The following DUSP14 variants were observed in gnomAD, a reference collection of about 807,000 sequenced individuals.
DUSP14 encodes dual specificity phosphatase 14, also known as dual specificity protein phosphatase 14.
Under a neutral mutation model 13.2 loss-of-function variants are expected in DUSP14, and 5 were observed. That is an observed-to-expected ratio of 0.38 (90% CI 0.20 to 0.80). The LOEUF is 0.80. DUSP14 is among the 30% of genes least tolerant of loss of function. The pLI, the probability that DUSP14 is intolerant of heterozygous loss-of-function variation, is 0.44. For missense variants in DUSP14, 185 were observed against 264.0 expected (o/e 0.70, Z 2.07); for synonymous variants, 91 against 103.4 (o/e 0.88, Z 0.73).
At position 37,512,360 on chromosome 17, in the gene DUSP14, A is replaced by G. The variant is rs1327664784; in HGVS notation, c.88A>G (p.Ile30Val). The G allele has an allele frequency of 1.2e-6, 2 of 1,613,860 alleles. No individual in the cohort carries two copies. Among genetic ancestry groups the G allele is most frequent in the African/African-American group, 1.3e-5 (1 of 74,870 alleles). Reference protein sequence around the residue: ...SEGDIGGIAQITSSLFLGRGS... With the variant: ...SEGDIGGIAQVTSSLFLGRGS... ...GGGAGACATAGGAGGCATTGCTCAA[A>G]TCACCTCCTCTCTATTCCTGGGCAG... The change falls in exon 3 of 3, where the codon ATC becomes GTC. Residue 30 changes from isoleucine (I) to valine (V), a missense_variant. Ile to Val is a conservative substitution (Grantham distance 29). Transcript: ENST00000617516. The surrounding 1 kb of genome is among the most constrained non-coding windows in gnomAD (Gnocchi z 4.8).
intron 1 of DUSP14, among the ~76,000 whole-genome samples, chr17:37,495,788 T>C (rs1188292579): frequency 6.6e-6 from 1 of 151,950 alleles, no homozygotes; most frequent in Non-Finnish European, 1.5e-5. Flanking sequence ...GCCTCCCGAG[T>C]AGCTGGGATT....
chr17:37,499,854 T>C (rs1651685273), intron 1 of DUSP14, among the ~76,000 whole-genome samples: 1 of 152,228 alleles, frequency 6.6e-6, no homozygotes, highest in Non-Finnish European at 1.5e-5. Context: ...TAATTAGTAA[T>C]GTAGTCTTCT....
At chr17:37,499,755 C>T (rs1273654610) in intron 1 of DUSP14, among the ~76,000 whole-genome samples, 1 of 152,116 alleles carries the variant, frequency 6.6e-6, no homozygotes, top group African/African-American at 2.4e-5. Context: ...GTCTCAAACT[C>T]CTGACCTCAG....
intron 1 of DUSP14, among the ~76,000 whole-genome samples, chr17:37,496,605 T>C (rs1466234495): frequency 6.6e-6 from 1 of 152,100 alleles, no homozygotes; most frequent in African/African-American, 2.4e-5. Flanking sequence ...AATACAAAAA[T>C]TAGCCGGGAG....
intron 1 of DUSP14, among the ~76,000 whole-genome samples, chr17:37,493,607 A>C (rs1291497078): frequency 4.0e-5 from 6 of 151,726 alleles, no homozygotes; most frequent in Non-Finnish European, 5.9e-5. Flanking sequence ...TAACCACCCA[A>C]ATACCAGAAA....
chr17:37,512,469 T>C lies in DUSP14; in HGVS notation c.197T>C (p.Phe66Ser), dbSNP rs778673385. 3.7e-6 allele frequency: 6 copies of C among 1,614,176 alleles called. No individual in the cohort carries two copies. Among genetic ancestry groups the C allele is most frequent in the Non-Finnish European group, 2.5e-6 (3 of 1,180,046 alleles). ...AATGCTACCATTGAGATCCCTAATT[T>C]CAACTGGCCCCAATTTGAGTATGTT... ...IVNATIEIPN[F>S]NWPQFEYVKV... Residue 66 changes from phenylalanine (F) to serine (S), a missense_variant, in exon 3 of 3, where the codon TTC becomes TCC. Phe to Ser is a radical substitution (Grantham distance 155). Transcript: ENST00000617516. The surrounding 1 kb of genome is among the most constrained non-coding windows in gnomAD (Gnocchi z 4.8).
intron 1 of DUSP14, among the ~76,000 whole-genome samples, chr17:37,508,734 A>AAT (rs35158443): frequency 0.26 from 38,092 of 143,848 alleles, 5,101 homozygotes; most frequent in Admixed American, 0.4. Context: ...ACTCCATCTC[A>AAT]ATATATATAT....
intron 1 of DUSP14, among the ~76,000 whole-genome samples, chr17:37,497,305 G>A (rs918263019): frequency 2.0e-5 from 3 of 152,156 alleles, no homozygotes; most frequent in African/African-American, 4.8e-5. Context: ...ACCATGCCCA[G>A]CTAATTTTTG....
intron 1 of DUSP14, 35 bp from the exon 2 acceptor site, chr17:37,510,642 A>T (rs1230807082): frequency 6.6e-6 from 1 of 152,162 alleles, no homozygotes; most frequent in Admixed American, 6.5e-5. Context: ...GAACTTCCTG[A>T]TTGGCTGTGT....
chr17:37,508,057 G>A (rs2054149374), intron 1 of DUSP14, among the ~76,000 whole-genome samples: 1 of 152,240 alleles, frequency 6.6e-6, no homozygotes, highest in Non-Finnish European at 1.5e-5. Context: ...GATTTCACCT[G>A]TGGACTGCTC....
At position 37,511,585 on chromosome 17, in the gene DUSP14, C is replaced by CTTTTTTTTTTTTTTT. The variant is rs533256343; in HGVS notation, c.-92-592_-92-578dup. On this transcript the variant is annotated intron_variant, in intron 2 of 2. Coordinates refer to ENST00000617516, the MANE Select transcript of DUSP14 (RefSeq NM_007026.4). Reference sequence around the variant, plus strand: ...CATGAGCTACCTCACCTGGCCTTTCCTTTTTTTTTTTTTTTTTTAGAAGCT... The same window carrying CTTTTTTTTTTTTTTT: ...CATGAGCTACCTCACCTGGCCTTTCCTTTTTTTTTTTTTTTTTTTTTTTTTTTTTTTTTAGAAGCT... 6.0e-3 allele frequency among the ~76,000 whole-genome samples: 522 copies of CTTTTTTTTTTTTTTT among 87,276 alleles called. 86 individuals are homozygous for CTTTTTTTTTTTTTTT. Among genetic ancestry groups the CTTTTTTTTTTTTTTT allele is most frequent in the African/African-American group, 0.025 (472 of 19,054 alleles). The allele number at this position is 87,276 out of a possible 152,430, so 57.3% of individuals were successfully genotyped here.
chr17:37,503,167 G>A (rs990327851), intron 1 of DUSP14, among the ~76,000 whole-genome samples: 4 of 151,826 alleles, frequency 2.6e-5, no homozygotes, highest in African/African-American at 4.8e-5. Context: ...GCTTATGCCT[G>A]TAATCCCAGC....
chr17:37,497,922 T>C (rs1025289777), intron 1 of DUSP14, among the ~76,000 whole-genome samples: 2 of 151,928 alleles, frequency 1.3e-5, no homozygotes, highest in Non-Finnish European at 2.9e-5. Context: ...GGCGCACCCC[T>C]GTAGCCCCAG....
chr17:37,508,852 C>T (rs2143113177), intron 1 of DUSP14, among the ~76,000 whole-genome samples: 2 of 148,012 alleles, frequency 1.4e-5, no homozygotes, highest in South Asian at 4.3e-4. Context: ...GCCCTTCACT[C>T]CTGGGTATTG....
At chr17:37,505,310 G>A (rs2054131006) in intron 1 of DUSP14, among the ~76,000 whole-genome samples, 1 of 152,208 alleles carries the variant, frequency 6.6e-6, no homozygotes, top group Admixed American at 6.5e-5. Flanking sequence ...CAAGGCTATA[G>A]TGACCTAAGA....
chr17:37,511,937 A>ATTTTTTTTTTTTTTTTTTT (rs1329764853), intron 2 of DUSP14, among the ~76,000 whole-genome samples: 2 of 16,434 alleles, frequency 1.2e-4, no homozygotes, highest in South Asian at 3.0e-3. Flanking sequence ...CCCCCACCCC[A>ATTTTTTTTTTTTTTTTTTT]CTTTTTTTTT....
chr17:37,491,441 C>T (rs1048000922), intron 1 of DUSP14: 16 of 152,148 alleles, frequency 1.1e-4, no homozygotes, highest in African/African-American at 3.6e-4. Flanking sequence ...ACACATGGGC[C>T]CTATTCCTGC....
intron 1 of DUSP14, among the ~76,000 whole-genome samples, chr17:37,501,229 G>A (rs1469360255): frequency 2.6e-5 from 4 of 152,152 alleles, no homozygotes; most frequent in African/African-American, 9.7e-5. Flanking sequence ...AGGTCAGATG[G>A]GGCAGAATGA....
chr17:37,508,826 C>T (rs1031989348), intron 1 of DUSP14, among the ~76,000 whole-genome samples: 1 of 146,440 alleles, frequency 6.8e-6, no homozygotes, highest in East Asian at 2.0e-4. Flanking sequence ...GTTAAACATA[C>T]GTGTCATAGG....
Sources: allele counts gnomAD v4.1 joint callset (sites outside exome capture counted in the v4.1 genomes callset), GRCh38; gene constraint gnomAD v4.1.1; non-coding constraint Gnocchi (gnomAD v3.1); transcripts MANE v1.5; gene names NCBI Gene and HGNC (gene_info 2026-07-23, HGNC 2026-07-21).